NET1: variants seen among roughly 807,000 people sequenced by gnomAD.
NET1 encodes neuroepithelial cell transforming 1.
NET1 carries 42 observed loss-of-function variants against 61.1 expected under a neutral mutation model. The ratio of observed to expected loss-of-function variants is 0.69; its 90% CI spans 0.54 to 0.89. The LOEUF (loss-of-function observed/expected upper bound fraction) is 0.89. Ranked by LOEUF, NET1 falls within the 40% of genes least tolerant of loss-of-function variation. The probability of loss-of-function intolerance (pLI) is 0.00; values close to 1 mark genes in which losing one functional copy is unlikely to be tolerated. For synonymous variants in NET1, 254 were observed against 281.8 expected (o/e 0.90, Z 0.99); for missense variants, 654 against 747.3 (o/e 0.88, Z 1.46).
chr10:5,419,447 C>T (rs758375541), intron 1 of NET1, among the ~76,000 whole-genome samples: 10 of 152,062 alleles, frequency 6.6e-5, no homozygotes, highest in Non-Finnish European at 1.5e-4. Context: ...GCCATTTTGT[C>T]GTGTTATATA....
chr10:5,455,963 C>T lies in NET1; in HGVS notation c.1198-124C>T. On this transcript the variant is annotated intron_variant, in intron 10 of 11. Transcript: ENST00000355029. The surrounding 1 kb of genome is among the most constrained non-coding windows in gnomAD (Gnocchi z 6.5). Reference sequence around the variant, plus strand: ...CATCTTTATGGATTACTAGATTTGTCACTTAGAGAGATCTTCGAAAAATAA... The same window carrying T: ...CATCTTTATGGATTACTAGATTTGTTACTTAGAGAGATCTTCGAAAAATAA... The T allele has an allele frequency of 1.0e-6, 1 of 954,396 alleles. No individual in the cohort carries two copies. The highest frequency in any genetic ancestry group is 1.9e-5 in the South Asian group (1 of 52,804). The allele number at this position is 954,396 out of a possible 1,614,324, so 59.1% of individuals were successfully genotyped here. A position where few individuals can be genotyped will look rare whatever the true frequency, so the allele number is the denominator to read the frequency against.
Position 5,441,705 on chromosome 10 carries a change from G to GT in NET1, c.256-10119dup, listed in dbSNP as rs1462003199. 1.3e-5 allele frequency among the ~76,000 whole-genome samples: 2 copies of GT among 152,264 alleles called. No homozygotes were observed. The highest frequency in any genetic ancestry group is 3.9e-4 in the East Asian group (2 of 5,186). On this transcript the variant is annotated intron_variant, in intron 3 of 11. Transcript: ENST00000355029. This position sits in a 1 kb window ranked among gnomAD's most constrained non-coding sequence, Gnocchi z 4.6. ...TAATACTTAATTGGTCTAAACTGATGTTTTTTCCCCAAACCAAATTCTTAG... is the reference window on the plus strand; with the variant it reads ...TAATACTTAATTGGTCTAAACTGATGTTTTTTTCCCCAAACCAAATTCTTAG...
rs920382753 is a variant in NET1 at position 5,446,638 on chromosome 10, C to T, written c.256-5192C>T. The T allele has an allele frequency of 8.5e-6, 11 of 1,291,566 alleles. No homozygotes were observed. Among genetic ancestry groups the T allele is most frequent in the Non-Finnish European group, 1.1e-5 (11 of 1,015,158 alleles). 80.0% of individuals were successfully genotyped at this position (1,291,566 alleles called of 1,614,324 possible). On this transcript the variant is annotated intron_variant, in intron 3 of 11. Transcript: ENST00000355029. The surrounding 1 kb of genome is among the most constrained non-coding windows in gnomAD (Gnocchi z 5.0). ...GCCTCTGCTCCACCGCGGCGAGAGG[C>T]ATGGGCACGTGGCTGCCGAGGGTGG...
At position 5,427,826 on chromosome 10, in the gene NET1, T is replaced by C. The variant is rs1198369718; in HGVS notation, c.195+1105T>C. On this transcript the variant is annotated intron_variant, in intron 2 of 11. Transcript: ENST00000355029. This position sits in a 1 kb window ranked among gnomAD's most constrained non-coding sequence, Gnocchi z 4.1. The stretch of plus-strand genomic sequence containing the variant: ...GGGATAGATTCTGTTCCTTGTTTTC[T>C]TTTTTCATAGAATGATATTGTGTAG... Among the ~76,000 whole-genome samples, 1 of 152,212 alleles carries C rather than the reference T, an allele frequency of 6.6e-6. No individual in the cohort carries two copies. Among genetic ancestry groups the C allele is most frequent in the Non-Finnish European group, 1.5e-5 (1 of 68,024 alleles).
rs1832558888 is a variant in NET1 at position 5,443,610 on chromosome 10, T to C, written c.256-8220T>C. Among the ~76,000 whole-genome samples the C allele has an allele frequency of 6.6e-6, 1 of 152,214 alleles. No individual in the cohort carries two copies. The highest frequency in any genetic ancestry group is 1.5e-5 in the Non-Finnish European group (1 of 68,034). The stretch of plus-strand genomic sequence containing the variant: ...AACTTCCGCATGTTCATCATTCCTT[T>C]TTTAGATGCTGTCTACATTTAGACC... On this transcript the variant is annotated intron_variant, in intron 3 of 11. Coordinates refer to ENST00000355029, the MANE Select transcript of NET1 (RefSeq NM_001047160.3). This position sits in a 1 kb window ranked among gnomAD's most constrained non-coding sequence, Gnocchi z 4.8.
chr10:5,442,313 T>A (rs1253590756), intron 3 of NET1, among the ~76,000 whole-genome samples: 1 of 152,258 alleles, frequency 6.6e-6, no homozygotes, highest in Admixed American at 6.5e-5. Context: ...TTCCCTAGTC[T>A]AATTTCCAAT....
At position 5,447,566 on chromosome 10, in the gene NET1, A is replaced by C. The variant is rs1184756519; in HGVS notation, c.256-4264A>C. On this transcript the variant is annotated intron_variant, in intron 3 of 11. Coordinates refer to ENST00000355029, the MANE Select transcript of NET1 (RefSeq NM_001047160.3). The surrounding 1 kb of genome is among the most constrained non-coding windows in gnomAD (Gnocchi z 4.1). ...GGAATAGTGTTCCTGCATTCAGTTA[A>C]CTGTGTATCTCTTGATTGTGGTAGT... is the stretch of plus-strand genomic sequence containing the variant. Among the ~76,000 whole-genome samples, 1 of 152,220 alleles carries C rather than the reference A, an allele frequency of 6.6e-6. No individual in the cohort carries two copies. Among genetic ancestry groups the C allele is most frequent in the Non-Finnish European group, 1.5e-5 (1 of 68,042 alleles).
At position 5,454,658 on chromosome 10, in the gene NET1, T is replaced by C. The variant is rs935427941; in HGVS notation, c.1026+136T>C. The C allele has an allele frequency of 2.9e-6, 3 of 1,035,016 alleles. No homozygotes were observed. The highest frequency in any genetic ancestry group is 4.2e-6 in the Non-Finnish European group (3 of 718,246). 64.1% of individuals were successfully genotyped at this position (1,035,016 alleles called of 1,614,324 possible). A position where few individuals can be genotyped will look rare whatever the true frequency, so the allele number is the denominator to read the frequency against. On this transcript the variant is annotated intron_variant, in intron 9 of 11. Coordinates refer to ENST00000355029, the MANE Select transcript of NET1 (RefSeq NM_001047160.3). The surrounding 1 kb of genome is among the most constrained non-coding windows in gnomAD (Gnocchi z 8.1). ...TTGTTTTAAGTACCCAGTGCGTTAG[T>C]ACGCTGTGCACTAAGCAATAAGGAG...
Position 5,452,502 on chromosome 10 carries a change from A to G in NET1, c.508A>G (p.Thr170Ala), listed in dbSNP as rs77554069. The change falls in exon 5 of 12, where the codon ACC (threonine) becomes GCC (alanine). Residue 170 changes from threonine (T) to alanine (A), a missense_variant. By Grantham distance (58) the Thr-to-Ala change is moderately conservative (BLOSUM62 0). Transcript: ENST00000355029. This position sits in a 1 kb window ranked among gnomAD's most constrained non-coding sequence, Gnocchi z 4.0. ...CATCACCATGAAGGAGTCTCTCACC[A>G]CCAGGGAGATCAGACGGCAGGAGGT... ...LDITMKESLT[T>A]REIRRQEAIY... The G allele has an allele frequency of 6.2e-7, 1 of 1,613,750 alleles. No homozygotes were observed. The highest frequency in any genetic ancestry group is 1.3e-5 in the African/African-American group (1 of 75,012).
At position 5,424,278 on chromosome 10, in the gene NET1, C is replaced by A. The variant is rs1039269560; in HGVS notation, c.129-2377C>A. On this transcript the variant is annotated intron_variant, in intron 1 of 11. Transcript: ENST00000355029. The surrounding 1 kb of genome is among the most constrained non-coding windows in gnomAD (Gnocchi z 6.1). Reference sequence around the variant, plus strand: ...ATAATTGTTTTTTCTTAAGCCAGTGCCCACTGATGGCTCCTGCTAACCATG... The same window carrying A: ...ATAATTGTTTTTTCTTAAGCCAGTGACCACTGATGGCTCCTGCTAACCATG... Among the ~76,000 whole-genome samples the A allele has an allele frequency of 6.6e-6, 1 of 152,124 alleles. No individual in the cohort carries two copies. Among genetic ancestry groups the A allele is most frequent in the Admixed American group, 6.5e-5 (1 of 15,276 alleles).
chr10:5,453,569 T>C lies in NET1; in HGVS notation c.768+9T>C. 5.6e-6 allele frequency: 9 copies of C among 1,612,506 alleles called. No individual in the cohort carries two copies. Among genetic ancestry groups the C allele is most frequent in the Non-Finnish European group, 7.6e-6 (9 of 1,178,596 alleles). On this transcript the variant is annotated intron_variant, in intron 8 of 11. Coordinates refer to ENST00000355029, the MANE Select transcript of NET1 (RefSeq NM_001047160.3). This position sits in a 1 kb window ranked among gnomAD's most constrained non-coding sequence, Gnocchi z 4.9. ...ACATTCTCGTGAGCTGGGTATGTAGTGAGTTGTTGACCCCAGATACAGTTT... is the reference window on the plus strand; with the variant it reads ...ACATTCTCGTGAGCTGGGTATGTAGCGAGTTGTTGACCCCAGATACAGTTT...
At chr10:5,425,465 T>G (rs1832245475) in intron 1 of NET1, among the ~76,000 whole-genome samples, 1 of 152,168 alleles carries the variant, frequency 6.6e-6, no homozygotes, top group African/African-American at 2.4e-5. Flanking sequence ...AGAAGCCAAA[T>G]AACTACCATA....
intron 1 of NET1, among the ~76,000 whole-genome samples, chr10:5,413,240 C>T (rs981527729): frequency 6.6e-6 from 1 of 152,170 alleles, no homozygotes; most frequent in African/African-American, 2.4e-5. Flanking sequence ...TTGTTCTGCA[C>T]ACCCAACTGG....
In NET1 at chr10:5,417,645, A is replaced by G. The variant is rs369265297; in HGVS notation, c.128+4825A>G. Reference sequence around the variant, plus strand: ...AAAAATAGTTTTACTTCTTTTTCCAATCTCTGGATGCCCTTTACTTTTTTC... The same window carrying G: ...AAAAATAGTTTTACTTCTTTTTCCAGTCTCTGGATGCCCTTTACTTTTTTC... On this transcript the variant is annotated intron_variant, in intron 1 of 11. Coordinates refer to ENST00000355029, the MANE Select transcript of NET1 (RefSeq NM_001047160.3). This position sits in a 1 kb window ranked among gnomAD's most constrained non-coding sequence, Gnocchi z 5.5. Among the ~76,000 whole-genome samples, 15 of 152,018 alleles carry G rather than the reference A, an allele frequency of 9.9e-5. No individual in the cohort carries two copies. Among genetic ancestry groups the G allele is most frequent in the Admixed American group, 7.9e-4 (12 of 15,264 alleles).
rs561664052 is a variant in NET1 at position 5,455,510 on chromosome 10, T to C, written c.1197+392T>C. On this transcript the variant is annotated intron_variant, in intron 10 of 11. Coordinates refer to ENST00000355029, the MANE Select transcript of NET1 (RefSeq NM_001047160.3). The surrounding 1 kb of genome is among the most constrained non-coding windows in gnomAD (Gnocchi z 6.5). ...GAAGCAGATTGAATGAATGCAAATG[T>C]ATTTTTTAAATGCTAATTATAAAAG... 6.6e-6 allele frequency among the ~76,000 whole-genome samples: 1 copy of C among 152,362 alleles called. No homozygotes were observed. Among genetic ancestry groups the C allele is most frequent in the South Asian group, 2.1e-4 (1 of 4,828 alleles).
At position 5,437,626 on chromosome 10, in the gene NET1, T is replaced by G. The variant is rs546993354; in HGVS notation, c.255+8397T>G. 6.6e-6 allele frequency among the ~76,000 whole-genome samples: 1 copy of G among 151,752 alleles called. No individual in the cohort carries two copies. Among genetic ancestry groups the G allele is most frequent in the South Asian group, 2.1e-4 (1 of 4,794 alleles). ...ACTTTTCTATCGGTTTATGATAATA[T>G]TCATAACCGAGTACCCTTTTCAACT... On this transcript the variant is annotated intron_variant, in intron 3 of 11. Coordinates refer to ENST00000355029, the MANE Select transcript of NET1 (RefSeq NM_001047160.3). The surrounding 1 kb of genome is among the most constrained non-coding windows in gnomAD (Gnocchi z 4.3).
At position 5,446,615 on chromosome 10, in the gene NET1, C is replaced by G. The variant is rs907566427; in HGVS notation, c.256-5215C>G. On this transcript the variant is annotated intron_variant, in intron 3 of 11. Coordinates refer to ENST00000355029, the MANE Select transcript of NET1 (RefSeq NM_001047160.3). This position sits in a 1 kb window ranked among gnomAD's most constrained non-coding sequence, Gnocchi z 5.0. The stretch of plus-strand genomic sequence containing the variant: ...CTTGCTGCCTGCGGCTCTCAGAAGC[C>G]TCTGCTCCACCGCGGCGAGAGGCAT... 3.1e-5 allele frequency: 39 copies of G among 1,251,458 alleles called. No individual in the cohort carries two copies. The highest frequency in any genetic ancestry group is 3.7e-5 in the Non-Finnish European group (37 of 994,764). The allele number at this position is 1,251,458 out of a possible 1,614,324, so 77.5% of individuals were successfully genotyped here. A position where few individuals can be genotyped will look rare whatever the true frequency, so the allele number is the denominator to read the frequency against.
intron 3 of NET1, among the ~76,000 whole-genome samples, chr10:5,434,083 A>G (rs190804105): frequency 1.3e-5 from 2 of 152,262 alleles, no homozygotes; most frequent in Admixed American, 1.3e-4. Flanking sequence ...TCCTTATAAT[A>G]GTTTTAAGTG....
In NET1 at chr10:5,449,740, A is replaced by G. The variant is rs1403008653; in HGVS notation, c.256-2090A>G. 6.6e-6 allele frequency among the ~76,000 whole-genome samples: 1 copy of G among 152,252 alleles called. No homozygotes were observed. Among genetic ancestry groups the G allele is most frequent in the Non-Finnish European group, 1.5e-5 (1 of 68,046 alleles). ...ATCATTAATTTGATTTTATGTGATAAAATAGATATCAAAAATTTATTTCCT... is the reference window on the plus strand; with the variant it reads ...ATCATTAATTTGATTTTATGTGATAGAATAGATATCAAAAATTTATTTCCT... On this transcript the variant is annotated intron_variant, in intron 3 of 11. Transcript: ENST00000355029. The surrounding 1 kb of genome is among the most constrained non-coding windows in gnomAD (Gnocchi z 4.4).
Sources: gnomAD v4.1 joint callset for allele counts (sites outside exome capture counted in the v4.1 genomes callset) on GRCh38, gnomAD v4.1.1 for gene constraint, Gnocchi (gnomAD v3.1) non-coding constraint, MANE v1.5 for transcripts, NCBI Gene and HGNC (gene_info 2026-07-23, HGNC 2026-07-21) for gene names.